PTPN13: variants seen among roughly 807,000 people sequenced by gnomAD.
PTPN13 encodes the protein protein tyrosine phosphatase non-receptor type 13.
A neutral mutation model predicts 284.0 loss-of-function variants in PTPN13; 191 were observed. The observed-to-expected ratio is 0.67, with a 90% CI of 0.60 to 0.76. The LOEUF (loss-of-function observed/expected upper bound fraction) is 0.76. Ranked by LOEUF, PTPN13 falls within the 30% of genes least tolerant of loss-of-function variation. The pLI is 0.00. For missense variants in PTPN13, 2,797 were observed against 2,939.9 expected (o/e 0.95, Z 1.12); for synonymous variants, 986 against 1,022.3 (o/e 0.96, Z 0.68).
At chr4:86,632,634 C>G (rs1032554414) in intron 1 of PTPN13, among the ~76,000 whole-genome samples, 1 of 151,672 alleles carries the variant, frequency 6.6e-6, no homozygotes, top group Non-Finnish European at 1.5e-5. Context: ...AATCCTTCTT[C>G]TTTCTCTTTC....
rs1565493754 is a variant in PTPN13, at chr4:86,755,937, A to G, written c.3224-2323A>G. 2.0e-5 allele frequency among the ~76,000 whole-genome samples: 3 copies of G among 151,872 alleles called. No homozygotes were observed. The South Asian group carries it at 6.2e-4, about 32-fold the overall frequency. On this transcript the variant is annotated intron_variant, in intron 20 of 47. Coordinates refer to ENST00000411767, the MANE Select transcript of PTPN13 (RefSeq NM_080683.3). ...GGATGAGAACCAGAGCAACTCAACC[A>G]TTAGTCTCCTCAAGCCATTTTCTCT...
intron 5 of PTPN13, chr4:86,689,641 C>T: frequency 1.4e-6 from 1 of 702,358 alleles, no homozygotes; most frequent in Non-Finnish European, 2.6e-6. Flanking sequence ...ACCTTCTCCA[C>T]TTTCCCTTCT....
At chr4:86,795,011 A>C (rs567083953) in intron 40 of PTPN13, among the ~76,000 whole-genome samples, 94 of 152,284 alleles carry the variant, frequency 6.2e-4, no homozygotes, top group African/African-American at 2.1e-3. Context: ...GACTAAAACA[A>C]CAAAAGCAAT....
intron 41 of PTPN13, among the ~76,000 whole-genome samples, chr4:86,797,487 G>T: frequency 6.6e-6 from 1 of 151,068 alleles, no homozygotes; most frequent in African/African-American, 2.4e-5. Context: ...GCAAGACTCT[G>T]TCTCAAAAAA....
At chr4:86,790,443 A>G (rs538371499) in intron 40 of PTPN13, among the ~76,000 whole-genome samples, 52 of 152,254 alleles carry the variant, frequency 3.4e-4, no homozygotes, top group Non-Finnish European at 2.2e-4. Flanking sequence ...GAGCTTAATG[A>G]TGGAGAGGAA....
chr4:86,734,207 C>A, intron 12 of PTPN13, 96 bp from the exon 13 acceptor site: 1 of 958,544 alleles, frequency 1.0e-6, no homozygotes, highest in Non-Finnish European at 1.5e-6. Flanking sequence ...TCATATGATA[C>A]TCTTTTATGC....
intron 6 of PTPN13, among the ~76,000 whole-genome samples, chr4:86,696,229 A>G (rs1423976012): frequency 6.6e-6 from 1 of 151,954 alleles, no homozygotes; most frequent in Non-Finnish European, 1.5e-5. Flanking sequence ...GGACATATAG[A>G]TGCTGGGGAT....
intron 1 of PTPN13, among the ~76,000 whole-genome samples, chr4:86,618,213 G>C (rs1720802686): frequency 1.3e-5 from 2 of 152,050 alleles, no homozygotes; most frequent in African/African-American, 4.8e-5. Context: ...TTTTTGTCAG[G>C]TTTGTCAAAG....
intron 3 of PTPN13, 47 bp from the exon 4 acceptor site, chr4:86,686,663 C>A: frequency 8.0e-7 from 1 of 1,253,432 alleles, no homozygotes; most frequent in Non-Finnish European, 1.1e-6. Flanking sequence ...GCTTAATTTT[C>A]TATTGTATTT....
chr4:86,626,581 C>A (rs1161172897), intron 1 of PTPN13, among the ~76,000 whole-genome samples: 1 of 151,964 alleles, frequency 6.6e-6, no homozygotes, highest in African/African-American at 2.4e-5. Context: ...GGGAGATGAA[C>A]CCTTAATCTT....
intron 44 of PTPN13, among the ~76,000 whole-genome samples, chr4:86,807,089 A>G (rs1477480651): frequency 6.6e-6 from 1 of 152,150 alleles, no homozygotes; most frequent in African/African-American, 2.4e-5. Context: ...TGCCAATAAC[A>G]TTTGCAATAT....
At chr4:86,699,186 G>T (rs564122711) in intron 6 of PTPN13, among the ~76,000 whole-genome samples, 6 of 152,154 alleles carry the variant, frequency 3.9e-5, no homozygotes, top group Admixed American at 3.9e-4. Flanking sequence ...AGGAGATCAA[G>T]ACCATCCTGG....
chr4:86,670,079 T>A (rs1388811285), intron 2 of PTPN13, among the ~76,000 whole-genome samples: 2 of 150,776 alleles, frequency 1.3e-5, no homozygotes, highest in East Asian at 3.9e-4. Flanking sequence ...AGGAAGAATC[T>A]GGAAAAAAAT....
At chr4:86,615,376 G>A (rs1240238262) in intron 1 of PTPN13, among the ~76,000 whole-genome samples, 1 of 152,072 alleles carries the variant, frequency 6.6e-6, no homozygotes, top group Non-Finnish European at 1.5e-5. Flanking sequence ...ATTTCTGCAA[G>A]CACAGGTACA....
intron 14 of PTPN13, among the ~76,000 whole-genome samples, 199 bp from the exon 15 acceptor site, chr4:86,735,395 G>C (rs886685613): frequency 3.3e-5 from 5 of 152,166 alleles, no homozygotes; most frequent in Admixed American, 3.3e-4. Context: ...TCTCAAGCTT[G>C]CTGATCAGTT....
chr4:86,742,360 A>G (rs1304799408), intron 16 of PTPN13, among the ~76,000 whole-genome samples: 2 of 152,224 alleles, frequency 1.3e-5, no homozygotes, highest in African/African-American at 2.4e-5. Flanking sequence ...TTTATGGAAG[A>G]TAGTTAGTGA....
At chr4:86,657,540 A>C (rs1390318863) in intron 2 of PTPN13, among the ~76,000 whole-genome samples, 1 of 152,284 alleles carries the variant, frequency 6.6e-6, no homozygotes, top group African/African-American at 2.4e-5. Context: ...GAGGTGACAC[A>C]GACTTTCCTG....
chr4:86,737,521 T>G (rs1735660258), intron 15 of PTPN13, among the ~76,000 whole-genome samples: 1 of 152,098 alleles, frequency 6.6e-6, no homozygotes, highest in Non-Finnish European at 1.5e-5. Flanking sequence ...TATCTGGCCC[T>G]TTACAGAAAA....
chr4:86,613,621 G>A (rs969779710), intron 1 of PTPN13, among the ~76,000 whole-genome samples: 1 of 124,442 alleles, frequency 8.0e-6, no homozygotes, highest in Non-Finnish European at 1.7e-5. Context: ...GCGACAAGGT[G>A]AGACTCCGTC....
Sources: allele counts gnomAD v4.1 joint callset (sites outside exome capture counted in the v4.1 genomes callset), GRCh38; gene constraint gnomAD v4.1.1; transcripts MANE v1.5; gene names NCBI Gene and HGNC (gene_info 2026-07-23, HGNC 2026-07-21).